Variants in DYNC2I2 observed in about 807,000 individuals in gnomAD.
DYNC2I2 encodes the protein cytoplasmic dynein 2 intermediate chain 2.
In DYNC2I2, 39 loss-of-function variants were observed where a neutral mutation model predicts 52.0. The observed-to-expected ratio is 0.75, with a 90% confidence interval of 0.58 to 0.98. The LOEUF (loss-of-function observed/expected upper bound fraction) is 0.98. Ranked by LOEUF, DYNC2I2 falls within the 50% of genes least tolerant of loss-of-function variation. The pLI is 0.00. For synonymous variants in DYNC2I2, 359 were observed against 321.1 expected, an observed-to-expected ratio of 1.12 and a Z score of -1.26; for missense variants, 743 against 728.4, an observed-to-expected ratio of 1.02 and a Z score of -0.23.
chr9:128,654,884 C>T (rs1466368032), intron 1 of DYNC2I2, among the ~76,000 whole-genome samples: 2 of 152,144 alleles, frequency 1.3e-5, no homozygotes, highest in African/African-American at 4.8e-5. Context: ...TCTCAGCTTT[C>T]TCTTTTGTCC....
At chr9:128,663,890 C>T in the DYNC2I2 span, among the ~76,000 whole-genome samples, 19 of 149,202 alleles carry the variant, frequency 1.3e-4, no homozygotes, top group East Asian at 1.6e-3. Flanking sequence ...TGGGCTCAAG[C>T]GATTCGTCTG....
chr9:128,640,987 AG>A, intron 1 of DYNC2I2, 48 bp from the exon 2 acceptor site: 1 of 1,536,258 alleles, frequency 6.5e-7, no homozygotes, highest in Non-Finnish European at 8.8e-7. Context: ...GTCCTCGCAC[AG>A]CCCCCACCCA....
In DYNC2I2 at chr9:128,634,879, A is replaced by G; in HGVS notation, c.1024T>C (p.Phe342Leu). 1 of 1,613,318 alleles carries G rather than the reference A, an allele frequency of 6.2e-7. No individual in the cohort carries two copies. Residue 342 changes from phenylalanine (F) to leucine (L), a missense_variant, in exon 7 of 9, where the codon TTC becomes CTC. Transcript: ENST00000372715. ...AACAGCCTAGGGTCAAAGCTGGAGA[A>G]GGCCACTGCCGTGGCGCCCACCTCG... is the stretch of plus-strand genomic sequence containing the variant. ...ETEVGATAVAFSSFDPRLFIL... is the reference protein window; with the variant it reads ...ETEVGATAVALSSFDPRLFIL...
At chr9:128,670,357 T>C in the DYNC2I2 span, among the ~76,000 whole-genome samples, 2 of 151,684 alleles carry the variant, frequency 1.3e-5, no homozygotes, top group African/African-American at 4.8e-5. Context: ...GGAAAATCGC[T>C]TGAACCTGGG....
At position 128,644,275 on chromosome 9, in the gene DYNC2I2, CTTT is replaced by C. The variant is rs10660438; in HGVS notation, c.187-3339_187-3337del. Among the ~76,000 whole-genome samples, 133 of 146,896 alleles carry C rather than the reference CTTT, an allele frequency of 9.1e-4. 1 individual carries two copies. The highest frequency in any genetic ancestry group is 6.6e-3 in the Admixed American group (97 of 14,750). On this transcript the variant is annotated intron_variant, in intron 1 of 8. Coordinates refer to ENST00000372715, the MANE Select transcript of DYNC2I2 (RefSeq NM_052844.4). The stretch of plus-strand genomic sequence containing the variant: ...GGTGATCGACTTGAACCCAGGCGGC[CTTT>C]TTTTTTTTTTGAGACAGGGTCTCAC...
At chr9:128,678,776 TAAAAC>T in the DYNC2I2 span, among the ~76,000 whole-genome samples, 1 of 148,160 alleles carries the variant, frequency 6.7e-6, no homozygotes, top group Non-Finnish European at 1.5e-5. Flanking sequence ...AATCTTATAA[TAAAAC>T]AAAGAGGGCC....
At chr9:128,673,091 A>C in the DYNC2I2 span, among the ~76,000 whole-genome samples, 1 of 152,196 alleles carries the variant, frequency 6.6e-6, no homozygotes. Flanking sequence ...ACATACTCTA[A>C]GGAAACAATC....
At chr9:128,671,925 T>A in the DYNC2I2 span, among the ~76,000 whole-genome samples, 2 of 150,372 alleles carry the variant, frequency 1.3e-5, no homozygotes, top group African/African-American at 4.9e-5. Flanking sequence ...AGTGCTGGAA[T>A]TACAGGCTTG....
the DYNC2I2 span, among the ~76,000 whole-genome samples, chr9:128,672,514 A>T: frequency 6.6e-6 from 1 of 152,014 alleles, no homozygotes; most frequent in Non-Finnish European, 1.5e-5. Flanking sequence ...AAAAAAAAAA[A>T]AGTTTAATCT....
intron 1 of DYNC2I2, among the ~76,000 whole-genome samples, chr9:128,652,412 A>C (rs1431609294): frequency 3.5e-5 from 5 of 143,848 alleles, no homozygotes; most frequent in African/African-American, 1.1e-4. Flanking sequence ...AGCCTGGGGA[A>C]CAAGAGCGAA....
chr9:128,683,825 G>A, the DYNC2I2 span: 17 of 1,328,064 alleles, frequency 1.3e-5, no homozygotes, highest in Non-Finnish European at 1.0e-6. Flanking sequence ...ACCTGGGGCA[G>A]TCTCAGTGTT....
At chr9:128,662,393 G>C in the DYNC2I2 span, among the ~76,000 whole-genome samples, 1 of 143,356 alleles carries the variant, frequency 7.0e-6, no homozygotes, top group Non-Finnish European at 1.5e-5. Context: ...CAAAACACAA[G>C]TGTTACAGTC....
At chr9:128,647,269 C>T (rs979922708) in intron 1 of DYNC2I2, among the ~76,000 whole-genome samples, 1 of 152,240 alleles carries the variant, frequency 6.6e-6, no homozygotes, top group Admixed American at 6.5e-5. Flanking sequence ...CCATACCCCG[C>T]CACCATGCCA....
intron 4 of DYNC2I2, chr9:128,636,060 C>T: frequency 8.6e-6 from 7 of 809,706 alleles, no homozygotes; most frequent in Non-Finnish European, 1.5e-5. Flanking sequence ...TCTCCACAGC[C>T]CCCTGTCCTG....
At chr9:128,636,463 G>A (rs1182009728) in intron 3 of DYNC2I2, 25 bp from the exon 4 acceptor site, 1 of 1,582,122 alleles carries the variant, frequency 6.3e-7, no homozygotes. Flanking sequence ...GCTTGAGCCG[G>A]CTGTGCCCCT....
Position 128,640,589 on chromosome 9 carries a change from C to T in DYNC2I2, c.435+102G>A, listed in dbSNP as rs12555426. 9.0e-4 allele frequency: 1,374 copies of T among 1,520,548 alleles called. 1 individual carries two copies. Among genetic ancestry groups the T allele is most frequent in the South Asian group, 1.7e-3 (133 of 78,156 alleles). 94.2% of individuals were successfully genotyped at this position (1,520,548 alleles called of 1,614,324 possible). A position where few individuals can be genotyped will look rare whatever the true frequency, so the allele number is the denominator to read the frequency against. On this transcript the variant is annotated intron_variant, in intron 2 of 8. Transcript: ENST00000372715. ...ACATTAGAGCCTGGTGATTGCTGGC[C>T]GTGATGATGACTGGCACGGCTGTTA...
At chr9:128,661,474 C>A (rs944948452), upstream of DYNC2I2, among the ~76,000 whole-genome samples, 1 of 150,910 alleles carries the variant, frequency 6.6e-6, no homozygotes, top group Admixed American at 6.6e-5. Context: ...AAAAATTATA[C>A]GGGTGACATA....
At chr9:128,678,604 A>G in the DYNC2I2 span, among the ~76,000 whole-genome samples, 1 of 150,768 alleles carries the variant, frequency 6.6e-6, no homozygotes, top group Non-Finnish European at 1.5e-5. Context: ...TGGAATGACG[A>G]GTACCCACCA....
In DYNC2I2 at chr9:128,637,021, A is replaced by G; in HGVS notation, c.442T>C (p.Cys148Arg). 2 of 1,612,982 alleles carry G rather than the reference A, an allele frequency of 1.2e-6. No individual in the cohort carries two copies. The highest frequency in any genetic ancestry group is 2.2e-5 in the South Asian group (2 of 91,032). ...NWTEQQQMVS[C>R]LYTLGYPPAQ... Reference sequence around the variant, plus strand: ...GGCGGGTAGCCCAGGGTATACAGACAAGACACCTGCGGAGACGTCCCCAAC... The same window carrying G: ...GGCGGGTAGCCCAGGGTATACAGACGAGACACCTGCGGAGACGTCCCCAAC... Residue 148 changes from cysteine to arginine, a missense_variant, in exon 3 of 9, where the codon TGT becomes CGT. Coordinates refer to ENST00000372715, the MANE Select transcript of DYNC2I2 (RefSeq NM_052844.4).
Sources: allele counts gnomAD v4.1 joint callset (sites outside exome capture counted in the v4.1 genomes callset), GRCh38; gene constraint gnomAD v4.1.1; transcripts MANE v1.5; gene names NCBI Gene and HGNC (gene_info 2026-07-23, HGNC 2026-07-21).